The following ZNF546 variants were observed in gnomAD, a reference collection of about 807,000 sequenced individuals.
The protein encoded by ZNF546 is zinc finger protein 546, also known as CTC-471F3.6.
ZNF546 carries 60 observed loss-of-function variants against 76.2 expected under a neutral mutation model. That is an observed-to-expected ratio of 0.79 (90% CI 0.64 to 0.98). The LOEUF (loss-of-function observed/expected upper bound fraction) is 0.98. ZNF546 is among the 50% of genes least tolerant of loss of function. ZNF546 has a pLI of 0.00. For missense variants in ZNF546, 936 were observed against 1,035.6 expected, an observed-to-expected ratio of 0.90 and a Z score of 1.32; for synonymous variants, 277 against 328.1, an observed-to-expected ratio of 0.84 and a Z score of 1.68.
chr19:40,002,877 T>C (rs1280617014), intron 3 of ZNF546, among the ~76,000 whole-genome samples: 1 of 152,034 alleles, frequency 6.6e-6, no homozygotes, highest in African/African-American at 2.4e-5. Context: ...TTTTTGTATT[T>C]TTAGTAGAGA....
At chr19:40,011,548 A>T (rs1390511511) in intron 6 of ZNF546, among the ~76,000 whole-genome samples, 1 of 152,142 alleles carries the variant, frequency 6.6e-6, no homozygotes, top group Non-Finnish European at 1.5e-5. Flanking sequence ...ATGGTTTTAG[A>T]TTTTTACATT....
At chr19:39,998,056 C>T in intron 2 of ZNF546, 141 bp downstream of exon 2, 1 of 468,046 alleles carries the variant, frequency 2.1e-6, no homozygotes, top group Non-Finnish European at 3.9e-6. Flanking sequence ...GAGCCTGTCA[C>T]CTCATTGCTC....
chr19:40,007,947 T>TC (rs1971625028), intron 5 of ZNF546, among the ~76,000 whole-genome samples: 3 of 152,222 alleles, frequency 2.0e-5, no homozygotes, highest in African/African-American at 7.2e-5. Context: ...AGGAAGAACC[T>TC]GGAAATATTT....
Position 40,015,521 on chromosome 19 carries a change from T to C in ZNF546, c.2251T>C (p.Cys751Arg). The C allele has an allele frequency of 1.2e-6, 2 of 1,614,176 alleles. No homozygotes were observed. The highest frequency in any genetic ancestry group is 1.1e-5 in the South Asian group (1 of 91,068). ...TCATACTGGTGAGAAACCTTATAGC[T>C]GTAAAGAATGTGGGAATGCCTTTCG... Reference protein sequence around the residue: ...RLHTGEKPYSCKECGNAFRLQ... With the variant: ...RLHTGEKPYSRKECGNAFRLQ... The change falls in exon 7 of 7, where the codon TGT (cysteine) becomes CGT (arginine). Residue 751 changes from cysteine to arginine, a missense_variant. Physicochemically the swap from Cys to Arg is radical, Grantham distance 180. Transcript: ENST00000347077.
chr19:40,016,066 G>T lies in ZNF546; in HGVS notation c.*285G>T, dbSNP rs899242948. 1.0e-5 allele frequency: 4 copies of T among 400,858 alleles called. No homozygotes were observed. The East Asian group carries it at 1.6e-4, about 16-fold the overall frequency. 24.8% of individuals were successfully genotyped at this position (400,858 alleles called of 1,614,324 possible). ...CTAAAATGCAATAATAATGGGCCAGGTGAAGTGGCTCACACCTGTAATCCC... is the reference window on the plus strand; with the variant it reads ...CTAAAATGCAATAATAATGGGCCAGTTGAAGTGGCTCACACCTGTAATCCC... On this transcript the variant is annotated 3_prime_UTR_variant, in exon 7 of 7. Transcript: ENST00000347077.
chr19:40,007,241 A>AT (rs770997743), intron 4 of ZNF546, 33 bp from the exon 5 acceptor site: 301 of 1,445,972 alleles, frequency 2.1e-4, no homozygotes, highest in South Asian at 8.5e-4. Flanking sequence ...AATACATTTA[A>AT]TTTTTTTTTA....
intron 3 of ZNF546, among the ~76,000 whole-genome samples, chr19:40,000,615 C>CAAAAAAAAAA (rs550470156): frequency 1.8e-5 from 1 of 56,786 alleles, no homozygotes; most frequent in Non-Finnish European, 3.8e-5. Context: ...GACTCTGTCT[C>CAAAAAAAAAA]AAAAAAAAAA....
chr19:40,006,979 A>C (rs1232349009), intron 4 of ZNF546, among the ~76,000 whole-genome samples: 2 of 152,196 alleles, frequency 1.3e-5, no homozygotes, highest in East Asian at 3.9e-4. Flanking sequence ...TTTTTCCAAA[A>C]ATTTTTTGAA....
At chr19:40,001,609 A>C (rs1272524177) in intron 3 of ZNF546, among the ~76,000 whole-genome samples, 23 of 152,052 alleles carry the variant, frequency 1.5e-4, no homozygotes, top group Admixed American at 1.5e-3. Context: ...TGATCCACCC[A>C]CCTCAGCCTC....
intron 6 of ZNF546, 24 bp from the exon 7 acceptor site, chr19:40,013,641 T>C: frequency 4.9e-6 from 1 of 203,080 alleles, no homozygotes; most frequent in Non-Finnish European, 7.9e-6. Context: ...TACTCTTTGC[T>C]TTTTTTTTTT....
chr19:39,998,000 G>T lies in ZNF546; in HGVS notation c.-80+85G>T. ...AGCCTTGCCTGCACCCAGTCATACG[G>T]CGTGGTACCACACTGCTATGTCAAG... On this transcript the variant is annotated intron_variant, in intron 2 of 6. Transcript: ENST00000347077. 3 of 291,338 alleles carry T rather than the reference G, an allele frequency of 1.0e-5. 1 individual carries two copies. Among genetic ancestry groups the T allele is most frequent in the Non-Finnish European group, 2.0e-5 (3 of 153,724 alleles). 18.0% of individuals were successfully genotyped at this position (291,338 alleles called of 1,614,324 possible).
chr19:40,005,009 C>CTTT lies in ZNF546; in HGVS notation c.85-1062_85-1060dup, dbSNP rs752081163. On this transcript the variant is annotated intron_variant, in intron 3 of 6. Coordinates refer to ENST00000347077, the MANE Select transcript of ZNF546 (RefSeq NM_178544.5). The stretch of plus-strand genomic sequence containing the variant: ...TTTTGCACCCCTAACCTGCATGCAT[C>CTTT]TTTTTTTTTTTTTTTTTTTTTTTTT... 3.1e-4 allele frequency among the ~76,000 whole-genome samples: 27 copies of CTTT among 86,858 alleles called. 1 individual carries two copies. Among genetic ancestry groups the CTTT allele is most frequent in the Non-Finnish European group, 4.0e-4 (19 of 47,024 alleles). 57.0% of individuals were successfully genotyped at this position (86,858 alleles called of 152,430 possible).
intron 6 of ZNF546, among the ~76,000 whole-genome samples, chr19:40,011,665 G>T (rs965603898): frequency 3.3e-5 from 5 of 152,140 alleles, no homozygotes; most frequent in Non-Finnish European, 5.9e-5. Flanking sequence ...CCAGACAAAG[G>T]CATTATAAGA....
At chr19:40,000,406 C>T (rs1023340130) in intron 3 of ZNF546, among the ~76,000 whole-genome samples, 3 of 151,846 alleles carry the variant, frequency 2.0e-5, no homozygotes, top group Admixed American at 6.6e-5. Flanking sequence ...AGGTGGATCA[C>T]GAGGTCAGGA....
chr19:40,000,447 A>AC (rs1340252293), intron 3 of ZNF546, among the ~76,000 whole-genome samples: 4 of 151,806 alleles, frequency 2.6e-5, no homozygotes, highest in African/African-American at 4.8e-5. Context: ...AGATGGTGGA[A>AC]CCCCATCTCT....
intron 3 of ZNF546, among the ~76,000 whole-genome samples, chr19:39,999,287 G>C (rs1971495955): frequency 6.6e-6 from 1 of 152,186 alleles, no homozygotes; most frequent in South Asian, 2.1e-4. Flanking sequence ...ACAGTGAAAA[G>C]GTCTTGTTGA....
rs777147141 is a variant in ZNF546 at position 40,014,906 on chromosome 19, A to C, written c.1636A>C (p.Ile546Leu). ...LQGELTRHHR[I>L]HTCEKPYECK... is the part of the protein sequence containing the mutation. ...AGGAGAACTTACCCGACATCACAGA[A>C]TTCATACATGTGAGAAACCCTATGA... is the stretch of plus-strand genomic sequence containing the variant. The change falls in exon 7 of 7, where the codon ATT becomes CTT. Residue 546 changes from isoleucine (I) to leucine (L), a missense_variant. By Grantham distance (5) the Ile-to-Leu change is conservative. Coordinates refer to ENST00000347077, the MANE Select transcript of ZNF546 (RefSeq NM_178544.5). 4 of 1,614,004 alleles carry C rather than the reference A, an allele frequency of 2.5e-6. No homozygotes were observed. In the South Asian group the frequency reaches 4.4e-5, roughly 18 times the overall value.
chr19:40,008,340 C>T, intron 5 of ZNF546, 130 bp from the exon 6 acceptor site: 1 of 554,848 alleles, frequency 1.8e-6, no homozygotes, highest in African/African-American at 1.8e-5. Context: ...TCTTTACTGT[C>T]ATGGCATTGT....
chr19:40,002,440 TGAAAACACATA>T (rs1336766385), intron 3 of ZNF546, among the ~76,000 whole-genome samples: 8 of 152,298 alleles, frequency 5.3e-5, no homozygotes, highest in African/African-American at 1.9e-4. Flanking sequence ...ATACAAGAAC[TGAAAACACATA>T]GGTGTTACTG....
Sources: gnomAD v4.1 joint callset for allele counts (sites outside exome capture counted in the v4.1 genomes callset) on GRCh38, gnomAD v4.1.1 for gene constraint, MANE v1.5 for transcripts, NCBI Gene and HGNC (gene_info 2026-07-23, HGNC 2026-07-21) for gene names.